The following R3HDM1 variants were observed in gnomAD, a reference collection of about 807,000 sequenced individuals.
The protein encoded by R3HDM1 is R3H domain-containing protein 1.
Under a neutral mutation model 141.1 loss-of-function variants are expected in R3HDM1, and 46 were observed. That is an observed-to-expected ratio of 0.33 (90% CI 0.26 to 0.42). The LOEUF (loss-of-function observed/expected upper bound fraction) is 0.42. R3HDM1 is among the 10% of genes least tolerant of loss of function. R3HDM1 has a pLI of 1.00. For synonymous variants in R3HDM1, 435 were observed against 472.9 expected (o/e 0.92, Z 1.04); for missense variants, 1,184 against 1,368.3 (o/e 0.87, Z 2.12).
chr2:135,549,699 A>T (rs1699482621), intron 1 of R3HDM1, among the ~76,000 whole-genome samples: 1 of 152,134 alleles, frequency 6.6e-6, no homozygotes, highest in South Asian at 2.1e-4. Flanking sequence ...GCAAATCCAG[A>T]GACAGAAAAC....
At chr2:135,544,745 G>A (rs1698332478) in intron 1 of R3HDM1, among the ~76,000 whole-genome samples, 1 of 152,038 alleles carries the variant, frequency 6.6e-6, no homozygotes, top group Admixed American at 6.6e-5. Context: ...CAGAATACTT[G>A]AGGCCAGGAG....
chr2:135,688,807 G>A (rs1328880689), intron 21 of R3HDM1, among the ~76,000 whole-genome samples: 1 of 152,000 alleles, frequency 6.6e-6, no homozygotes, highest in African/African-American at 2.4e-5. Flanking sequence ...GTGGTGGCGG[G>A]CACCTGTAAT....
intron 23 of R3HDM1, 105 bp from the exon 24 acceptor site, chr2:135,715,445 A>G (rs1575223733): frequency 3.1e-6 from 4 of 1,274,700 alleles, no homozygotes; most frequent in Non-Finnish European, 3.2e-6. Context: ...ATGCTTCTAT[A>G]ATGTTTGAAT....
At chr2:135,644,693 C>T (rs1293130494) in intron 15 of R3HDM1, among the ~76,000 whole-genome samples, 1 of 152,084 alleles carries the variant, frequency 6.6e-6, no homozygotes, top group Non-Finnish European at 1.5e-5. Context: ...TTTCCAATAT[C>T]CTGAAGTCAA....
chr2:135,556,685 A>AT (rs1295903827), intron 1 of R3HDM1, among the ~76,000 whole-genome samples: 5 of 151,758 alleles, frequency 3.3e-5, no homozygotes, highest in African/African-American at 1.2e-4. Flanking sequence ...CACCCGGCTA[A>AT]TTTTTTGTAT....
intron 1 of R3HDM1, among the ~76,000 whole-genome samples, chr2:135,550,723 CTTCT>C (rs1699685644): frequency 6.6e-6 from 1 of 152,042 alleles, no homozygotes; most frequent in African/African-American, 2.4e-5. Flanking sequence ...AATATTGTGC[CTTCT>C]TTCTTTTTTC....
At chr2:135,532,017 G>A (rs1694920061) in intron 1 of R3HDM1, among the ~76,000 whole-genome samples, 1 of 152,208 alleles carries the variant, frequency 6.6e-6, no homozygotes, top group Non-Finnish European at 1.5e-5. Flanking sequence ...TGCTGCTGCT[G>A]CCTCCGCGGC....
intron 21 of R3HDM1, among the ~76,000 whole-genome samples, chr2:135,705,322 A>G (rs1423578653): frequency 6.6e-6 from 1 of 152,244 alleles, no homozygotes; most frequent in Non-Finnish European, 1.5e-5. Flanking sequence ...TATAACGAAT[A>G]ACAAGTAGAG....
At chr2:135,636,455 G>C (rs2063260246) in intron 11 of R3HDM1, among the ~76,000 whole-genome samples, 1 of 152,168 alleles carries the variant, frequency 6.6e-6, no homozygotes, top group Non-Finnish European at 1.5e-5. Flanking sequence ...TATATAGTTT[G>C]TGTGATTTTT....
chr2:135,621,920 C>G (rs2061546245), intron 6 of R3HDM1: 4 of 980,508 alleles, frequency 4.1e-6, no homozygotes, highest in Non-Finnish European at 4.8e-6. Flanking sequence ...GATACTATCA[C>G]TCTTGAATTC....
chr2:135,692,993 A>G (rs2072681891), intron 21 of R3HDM1, among the ~76,000 whole-genome samples: 1 of 152,212 alleles, frequency 6.6e-6, no homozygotes, highest in Non-Finnish European at 1.5e-5. Context: ...CATACCTACT[A>G]GATCTAAGGT....
In R3HDM1 at chr2:135,584,400, C is replaced by T. The variant is rs967212261; in HGVS notation, c.-249-18100C>T. 9 of 941,416 alleles carry T rather than the reference C, an allele frequency of 9.6e-6. No homozygotes were observed. In the South Asian group the frequency reaches 2.0e-4, roughly 21 times the overall value. The allele number at this position is 941,416 out of a possible 1,614,324, so 58.3% of individuals were successfully genotyped here. ...TTTGAAAGTTTTCATTACCTGACCT[C>T]GGTAGCATGTTTAAGCACAGTTCCA... On this transcript the variant is annotated intron_variant, in intron 1 of 26. Coordinates refer to ENST00000683871, the MANE Select transcript of R3HDM1 (RefSeq NM_001378107.1).
At chr2:135,542,266 A>G (rs1044643597) in intron 1 of R3HDM1, among the ~76,000 whole-genome samples, 13 of 152,138 alleles carry the variant, frequency 8.5e-5, no homozygotes, top group African/African-American at 2.4e-4. Flanking sequence ...ACTAAGGGGG[A>G]AAAGTACCTA....
At chr2:135,682,945 T>C (rs560153485) in intron 21 of R3HDM1, among the ~76,000 whole-genome samples, 116 of 151,564 alleles carry the variant, frequency 7.7e-4, no homozygotes, top group Non-Finnish European at 1.3e-3. Context: ...TGCAGTGAGC[T>C]CAGATTGCAC....
intron 21 of R3HDM1, among the ~76,000 whole-genome samples, chr2:135,704,061 A>G (rs1449275301): frequency 6.6e-6 from 1 of 152,070 alleles, no homozygotes; most frequent in African/African-American, 2.4e-5. Flanking sequence ...GCTCACTGCA[A>G]CCTCCGCCTC....
chr2:135,590,945 G>A (rs1442613029), intron 1 of R3HDM1, among the ~76,000 whole-genome samples: 2 of 152,146 alleles, frequency 1.3e-5, no homozygotes, highest in Admixed American at 1.3e-4. Context: ...TCTTGAGAGA[G>A]GGCTGTGATC....
chr2:135,587,754 T>G (rs963128617), intron 1 of R3HDM1, among the ~76,000 whole-genome samples: 9 of 152,200 alleles, frequency 5.9e-5, no homozygotes, highest in Non-Finnish European at 1.3e-4. Context: ...TTCATACTTT[T>G]GCTCATTTTC....
In R3HDM1 at chr2:135,630,871, T is replaced by C. The variant is rs569070249; in HGVS notation, c.498-847T>C. Among the ~76,000 whole-genome samples, 25 of 152,214 alleles carry C rather than the reference T, an allele frequency of 1.6e-4. 1 individual carries two copies. The South Asian group carries it at 4.8e-3, about 29-fold the overall frequency. On this transcript the variant is annotated intron_variant, in intron 7 of 26. Transcript: ENST00000683871. ...ACAGGAAAATTCTAGAGCCATGTTA[T>C]GGGTGTGTGAGCAGGGAGGTCCTTT...
At chr2:135,534,921 A>G (rs1695726381) in intron 1 of R3HDM1, among the ~76,000 whole-genome samples, 1 of 152,184 alleles carries the variant, frequency 6.6e-6, no homozygotes, top group Non-Finnish European at 1.5e-5. Context: ...AGTAGTGAAA[A>G]TTGGTAGCAG....
Sources: gnomAD v4.1 joint callset for allele counts (sites outside exome capture counted in the v4.1 genomes callset) on GRCh38, gnomAD v4.1.1 for gene constraint, MANE v1.5 for transcripts, NCBI Gene and HGNC (gene_info 2026-07-23, HGNC 2026-07-21) for gene names.